Variants in SNX18 observed in about 807,000 individuals in gnomAD.
SNX18 encodes the protein sorting nexin 18, also known as sorting nexin-18.
Under a neutral mutation model 48.7 loss-of-function variants are expected in SNX18, and 35 were observed. The ratio of observed to expected loss-of-function variants is 0.72; its 90% CI spans 0.55 to 0.95. The LOEUF (loss-of-function observed/expected upper bound fraction) is 0.95. Ranked by LOEUF, SNX18 falls within the 40% of genes least tolerant of loss-of-function variation. SNX18 has a pLI of 0.00. For missense variants in SNX18, 824 were observed against 871.0 expected (o/e 0.95, Z 0.68); for synonymous variants, 492 against 384.7 (o/e 1.28, Z -3.26).
rs1029202690 is a variant in SNX18 at position 54,518,120 on chromosome 5, G to A, written c.168G>A (p.Val56=). The change falls in exon 1 of 2, where the codon GTG becomes GTA. Residue 56 remains valine (V), a synonymous_variant. Transcript: ENST00000381410. ...GDRGLFPASY[V]QVIRAPEPGP... Reference sequence around the variant, plus strand: ...GCGGCCTCTTCCCGGCCTCCTATGTGCAGGTGATCCGCGCCCCCGAGCCTG... The same window carrying A: ...GCGGCCTCTTCCCGGCCTCCTATGTACAGGTGATCCGCGCCCCCGAGCCTG... 9.5e-6 allele frequency: 14 copies of A among 1,466,530 alleles called. No individual in the cohort carries two copies. The highest frequency in any genetic ancestry group is 1.3e-5 in the Non-Finnish European group (14 of 1,115,326). The allele number at this position is 1,466,530 out of a possible 1,614,324, so 90.8% of individuals were successfully genotyped here.
chr5:54,526,229 C>T (rs978558513), intron 1 of SNX18, among the ~76,000 whole-genome samples: 14 of 152,068 alleles, frequency 9.2e-5, no homozygotes, highest in African/African-American at 2.4e-4. Context: ...CTCAGCCGCC[C>T]GAGTAACTGG....
chr5:54,564,385 C>T, the SNX18 span, among the ~76,000 whole-genome samples: 1 of 152,116 alleles, frequency 6.6e-6, no homozygotes, highest in South Asian at 2.1e-4. Flanking sequence ...TAATTGAACA[C>T]TTAGATTCTT....
the SNX18 span, among the ~76,000 whole-genome samples, chr5:54,578,148 T>C: frequency 1.3e-5 from 2 of 152,182 alleles, no homozygotes; most frequent in African/African-American, 4.8e-5. Flanking sequence ...AACACAACTC[T>C]TCAGCCTTGG....
chr5:54,631,084 A>C, the SNX18 span, among the ~76,000 whole-genome samples: 2 of 152,316 alleles, frequency 1.3e-5, no homozygotes, highest in South Asian at 4.1e-4. Context: ...AAGGTATTTG[A>C]ATTTAGCTTC....
chr5:54,613,786 C>T, the SNX18 span, among the ~76,000 whole-genome samples: 13 of 152,244 alleles, frequency 8.5e-5, no homozygotes, highest in East Asian at 1.9e-3. Context: ...GCAACCTCCG[C>T]CTCCTGGGTT....
At chr5:54,531,987 GCACT>G (rs1307751602) in intron 1 of SNX18, among the ~76,000 whole-genome samples, 1 of 152,180 alleles carries the variant, frequency 6.6e-6, no homozygotes, top group Non-Finnish European at 1.5e-5. Flanking sequence ...GAACCACAGT[GCACT>G]CAGATAGGGT....
chr5:54,528,694 T>C (rs17441847), intron 1 of SNX18, among the ~76,000 whole-genome samples: 36,758 of 152,134 alleles, frequency 0.24, 5,055 homozygotes, highest in Non-Finnish European at 0.3. Flanking sequence ...TGCACCATGA[T>C]GTGAAGTAGG....
chr5:54,644,502 C>T, the SNX18 span: 1 of 152,210 alleles, frequency 6.6e-6, no homozygotes, highest in African/African-American at 2.4e-5. Flanking sequence ...CATTCATTCC[C>T]CCTCTTCCTA....
the SNX18 span, among the ~76,000 whole-genome samples, chr5:54,639,773 G>A: frequency 0.75 from 114,660 of 152,040 alleles, 43,444 homozygotes; most frequent in South Asian, 0.86. Context: ...ACGCTCAAGC[G>A]TACTCAGAGA....
chr5:54,553,657 G>A, the SNX18 span, among the ~76,000 whole-genome samples: 1 of 152,208 alleles, frequency 6.6e-6, no homozygotes, highest in East Asian at 1.9e-4. Flanking sequence ...GTCCCGAGAT[G>A]TAACAGATTG....
intron 1 of SNX18, among the ~76,000 whole-genome samples, chr5:54,537,360 A>T (rs1202876363): frequency 6.6e-6 from 1 of 152,238 alleles, no homozygotes; most frequent in African/African-American, 2.4e-5. Flanking sequence ...TCTCTATTTA[A>T]TGTGCACCTG....
chr5:54,556,631 G>A, the SNX18 span, among the ~76,000 whole-genome samples: 1 of 152,070 alleles, frequency 6.6e-6, no homozygotes, highest in African/African-American at 2.4e-5. Context: ...AGATTCTTGG[G>A]TTCTGGGCAT....
At chr5:54,609,613 A>G in the SNX18 span, among the ~76,000 whole-genome samples, 1 of 152,124 alleles carries the variant, frequency 6.6e-6, no homozygotes, top group African/African-American at 2.4e-5. Flanking sequence ...AAAAAGCCTC[A>G]AATCCTTCTA....
chr5:54,569,885 T>A, the SNX18 span, among the ~76,000 whole-genome samples: 4 of 152,176 alleles, frequency 2.6e-5, no homozygotes, highest in Admixed American at 1.3e-4. Flanking sequence ...AAGATCCCAC[T>A]CTCTAAGAGA....
the SNX18 span, among the ~76,000 whole-genome samples, chr5:54,581,777 G>A: frequency 1.2e-3 from 181 of 152,302 alleles, no homozygotes; most frequent in Non-Finnish European, 2.2e-3. Flanking sequence ...AGTCCTCCAC[G>A]TGGGTGGTGC....
chr5:54,541,460 A>G (rs1762469630), intron 1 of SNX18, among the ~76,000 whole-genome samples: 1 of 152,182 alleles, frequency 6.6e-6, no homozygotes, highest in Admixed American at 6.5e-5. Context: ...TCAAGCAGGC[A>G]AATGTTAGTG....
chr5:54,549,650 G>C (rs1762623611), downstream of SNX18, among the ~76,000 whole-genome samples: 1 of 152,194 alleles, frequency 6.6e-6, no homozygotes, highest in Non-Finnish European at 1.5e-5. Flanking sequence ...GAAAAAGACA[G>C]CTCAGAACTT....
chr5:54,555,234 C>T, the SNX18 span, among the ~76,000 whole-genome samples: 1 of 152,224 alleles, frequency 6.6e-6, no homozygotes, highest in African/African-American at 2.4e-5. Flanking sequence ...CTCTGTTGTA[C>T]CCGGGGTACC....
the SNX18 span, among the ~76,000 whole-genome samples, chr5:54,641,417 G>T: frequency 6.6e-6 from 1 of 152,092 alleles, no homozygotes; most frequent in African/African-American, 2.4e-5. Context: ...AATTATGTCT[G>T]GAATCTCAGC....
Sources: allele counts gnomAD v4.1 joint callset (sites outside exome capture counted in the v4.1 genomes callset), GRCh38; gene constraint gnomAD v4.1.1; transcripts MANE v1.5; gene names NCBI Gene and HGNC (gene_info 2026-07-23, HGNC 2026-07-21).